The following SUGCT variants were observed in gnomAD, a reference collection of about 807,000 sequenced individuals.
SUGCT encodes the protein succinyl-CoA:glutarate-CoA transferase.
In SUGCT, 41 loss-of-function variants were observed where a neutral mutation model predicts 55.0. That is an observed-to-expected ratio of 0.74 (90% CI 0.58 to 0.97). The LOEUF (loss-of-function observed/expected upper bound fraction) is 0.97. Ranked by LOEUF, SUGCT falls within the 50% of genes least tolerant of loss-of-function variation. The pLI, the probability that SUGCT is intolerant of heterozygous loss-of-function variation, is 0.00. For synonymous variants in SUGCT, 187 were observed against 200.4 expected, an observed-to-expected ratio of 0.93 and a Z score of 0.56; for missense variants, 568 against 547.8, an observed-to-expected ratio of 1.04 and a Z score of -0.37.
chr7:40,988,961 G>C, the SUGCT span, among the ~76,000 whole-genome samples: 6 of 151,566 alleles, frequency 4.0e-5, no homozygotes, highest in Admixed American at 4.0e-4. Context: ...CAACAATACA[G>C]CAAATATCAC....
chr7:40,509,059 A>G (rs1413938566), intron 12 of SUGCT, among the ~76,000 whole-genome samples: 2 of 152,140 alleles, frequency 1.3e-5, no homozygotes, highest in Non-Finnish European at 2.9e-5. Flanking sequence ...CACATGGGCC[A>G]GAATCATCCT....
At chr7:40,408,761 AAAC>A (rs1180658058) in intron 9 of SUGCT, among the ~76,000 whole-genome samples, 2 of 152,160 alleles carry the variant, frequency 1.3e-5, no homozygotes, top group African/African-American at 2.4e-5. Context: ...GGGAAACACA[AAAC>A]AAACAGAAGC....
At chr7:40,212,607 T>C (rs761053017) in intron 6 of SUGCT, among the ~76,000 whole-genome samples, 7 of 152,124 alleles carry the variant, frequency 4.6e-5, no homozygotes, top group Non-Finnish European at 1.0e-4. Context: ...CGATCTCAGC[T>C]CACTGCAACC....
At chr7:40,828,887 C>T (rs946298018) in intron 13 of SUGCT, among the ~76,000 whole-genome samples, 1 of 152,080 alleles carries the variant, frequency 6.6e-6, no homozygotes. Context: ...CGGTTTGGAC[C>T]GCATGACTTT....
At chr7:40,338,746 C>G (rs10241256) in intron 9 of SUGCT, among the ~76,000 whole-genome samples, 20,241 of 152,254 alleles carry the variant, frequency 0.13, 1,767 homozygotes, top group Middle Eastern at 0.21. Context: ...CTCCTCTCAA[C>G]TCGTCAAAGT....
chr7:40,613,704 G>A (rs893772277), intron 12 of SUGCT, among the ~76,000 whole-genome samples: 1 of 151,784 alleles, frequency 6.6e-6, no homozygotes, highest in Non-Finnish European at 1.5e-5. Flanking sequence ...TCCGCCTCCC[G>A]GGTTCAAGCG....
chr7:40,959,579 G>A, the SUGCT span, among the ~76,000 whole-genome samples: 2 of 152,208 alleles, frequency 1.3e-5, no homozygotes, highest in Non-Finnish European at 2.9e-5. Flanking sequence ...AGAATTTCAA[G>A]CCAGTGGATC....
At chr7:40,905,531 G>A in the SUGCT span, among the ~76,000 whole-genome samples, 11 of 151,558 alleles carry the variant, frequency 7.3e-5, no homozygotes, top group Admixed American at 6.6e-4. Flanking sequence ...TTCATATAAC[G>A]CCATTTATTT....
intron 7 of SUGCT, among the ~76,000 whole-genome samples, chr7:40,241,452 G>A (rs1310242672): frequency 6.6e-6 from 1 of 150,814 alleles, no homozygotes; most frequent in Admixed American, 6.6e-5. Context: ...CGTGGCACAT[G>A]CATGTAATCC....
In SUGCT at chr7:40,796,937, G is replaced by A. The variant is rs371235516; in HGVS notation, c.1153+47440G>A. Among the ~76,000 whole-genome samples the A allele has an allele frequency of 4.6e-5, 7 of 152,278 alleles. No individual in the cohort carries two copies. In the East Asian group the frequency reaches 1.2e-3, roughly 25 times the overall value. On this transcript the variant is annotated intron_variant, in intron 13 of 13. Coordinates refer to ENST00000335693, the MANE Select transcript of SUGCT (RefSeq NM_001193313.2). ...AGACAAGGCAGGTCCCTGAGGAGAA[G>A]CCAGGCACAATCTGAAAGCTGAATG...
chr7:40,680,362 A>C (rs879751162), intron 12 of SUGCT, among the ~76,000 whole-genome samples: 4 of 152,244 alleles, frequency 2.6e-5, no homozygotes, highest in East Asian at 1.9e-4. Context: ...AAATGTTAGC[A>C]TCTGAGAATC....
At chr7:40,886,157 T>C in the SUGCT span, among the ~76,000 whole-genome samples, 3 of 152,162 alleles carry the variant, frequency 2.0e-5, no homozygotes, top group African/African-American at 7.2e-5. Context: ...CAATGCATGA[T>C]AGAGTAGAAC....
chr7:40,137,153 G>T (rs28742222), intron 1 of SUGCT, among the ~76,000 whole-genome samples: 55,434 of 151,920 alleles, frequency 0.36, 11,327 homozygotes, highest in Middle Eastern at 0.58. Context: ...GACATGGGGT[G>T]GTCTCACTCT....
At chr7:40,907,432 G>T in the SUGCT span, among the ~76,000 whole-genome samples, 1 of 152,082 alleles carries the variant, frequency 6.6e-6, no homozygotes, top group Non-Finnish European at 1.5e-5. Flanking sequence ...AATAATACTC[G>T]TTTAATATAG....
chr7:40,265,865 C>T (rs1313108733), intron 7 of SUGCT, among the ~76,000 whole-genome samples: 1 of 152,042 alleles, frequency 6.6e-6, no homozygotes. Flanking sequence ...GCAGGAGAAT[C>T]GCTTGAACCT....
In SUGCT at chr7:40,226,587, C is replaced by CT. The variant is rs756344535; in HGVS notation, c.485-11034dup. On this transcript the variant is annotated intron_variant, in intron 6 of 13. Coordinates refer to ENST00000335693, the MANE Select transcript of SUGCT (RefSeq NM_001193313.2). Reference sequence around the variant, plus strand: ...GAATCTTCAGAATAGAAAACTAACTCTTTTTTTTTTTTTTCAGGTGTAGGG... The same window carrying CT: ...GAATCTTCAGAATAGAAAACTAACTCTTTTTTTTTTTTTTTCAGGTGTAGGG... 6.2e-3 allele frequency among the ~76,000 whole-genome samples: 883 copies of CT among 141,538 alleles called. 4 individuals carry two copies. Among genetic ancestry groups the CT allele is most frequent in the Middle Eastern group, 0.022 (6 of 274 alleles). The allele number at this position is 141,538 out of a possible 152,430, so 92.9% of individuals were successfully genotyped here.
At chr7:40,343,749 C>T (rs538336621) in intron 9 of SUGCT, among the ~76,000 whole-genome samples, 5 of 152,150 alleles carry the variant, frequency 3.3e-5, no homozygotes, top group East Asian at 3.9e-4. Flanking sequence ...CTCCGCCTCC[C>T]GGGTTCACGC....
intron 9 of SUGCT, among the ~76,000 whole-genome samples, chr7:40,430,020 A>G (rs1376898365): frequency 1.3e-5 from 2 of 152,146 alleles, no homozygotes; most frequent in Non-Finnish European, 2.9e-5. Context: ...TCTTTTTTAA[A>G]AGCTGAACAA....
chr7:40,559,297 A>G lies in SUGCT; in HGVS notation c.1089+62911A>G, dbSNP rs141509193. 5.4e-3 allele frequency among the ~76,000 whole-genome samples: 815 copies of G among 152,190 alleles called. 31 individuals carry two copies. The highest frequency in any genetic ancestry group is 0.05 in the Admixed American group (763 of 15,292). ...AGAGAAACTTTTTAAAAGCCCACAA[A>G]CTCCAATTTAGCTTTGGCAATCACT... On this transcript the variant is annotated intron_variant, in intron 12 of 13. Coordinates refer to ENST00000335693, the MANE Select transcript of SUGCT (RefSeq NM_001193313.2).
Sources: gnomAD v4.1 joint callset for allele counts (sites outside exome capture counted in the v4.1 genomes callset) on GRCh38, gnomAD v4.1.1 for gene constraint, MANE v1.5 for transcripts, NCBI Gene and HGNC (gene_info 2026-07-23, HGNC 2026-07-21) for gene names.